The following SIPA1L1 variants were observed in gnomAD, a reference collection of about 807,000 sequenced individuals.
The protein encoded by SIPA1L1 is signal induced proliferation associated 1 like 1.
In SIPA1L1, 26 loss-of-function variants were observed where a neutral mutation model predicts 162.7. That is an observed-to-expected ratio of 0.16 (90% CI 0.12 to 0.22). The LOEUF (loss-of-function observed/expected upper bound fraction) is 0.22, where lower values mean the gene tolerates loss of function less well. SIPA1L1 is among the 10% of genes least tolerant of loss of function. The probability of loss-of-function intolerance (pLI) is 1.00; values close to 1 mark genes in which losing one functional copy is unlikely to be tolerated. For synonymous variants in SIPA1L1, 829 were observed against 837.4 expected (o/e 0.99, Z 0.17); for missense variants, 1,874 against 2,241.0 (o/e 0.84, Z 3.31).
intron 13 of SIPA1L1, among the ~76,000 whole-genome samples, chr14:71,691,480 G>A (rs1270957499): frequency 6.6e-6 from 1 of 152,104 alleles, no homozygotes; most frequent in African/African-American, 2.4e-5. Flanking sequence ...TGTAGTCTCA[G>A]CTACTTGGGA....
chr14:71,692,762 C>T (rs1597022932), intron 13 of SIPA1L1, among the ~76,000 whole-genome samples: 1 of 152,286 alleles, frequency 6.6e-6, no homozygotes, highest in East Asian at 1.9e-4. Flanking sequence ...TTCCTTGGGC[C>T]TCGAAAGTAG....
At chr14:71,613,218 G>T (rs1441773762) in intron 5 of SIPA1L1, among the ~76,000 whole-genome samples, 1 of 152,046 alleles carries the variant, frequency 6.6e-6, no homozygotes, top group East Asian at 1.9e-4. Context: ...ACATAATATT[G>T]TGTGTAATGG....
chr14:71,547,827 A>G (rs12897977), intron 4 of SIPA1L1, among the ~76,000 whole-genome samples: 64,980 of 151,794 alleles, frequency 0.43, 14,468 homozygotes, highest in Admixed American at 0.51. Flanking sequence ...TCTTCACCCA[A>G]ACCAATGTCT....
chr14:71,378,847 T>C (rs1398520072), intron 2 of SIPA1L1, among the ~76,000 whole-genome samples: 2 of 152,230 alleles, frequency 1.3e-5, no homozygotes, highest in East Asian at 3.8e-4. Context: ...TTTATAATTA[T>C]GAAATGTTGC....
chr14:71,538,683 G>A (rs568240261), intron 4 of SIPA1L1, among the ~76,000 whole-genome samples: 26 of 152,214 alleles, frequency 1.7e-4, no homozygotes, highest in South Asian at 8.3e-4. Flanking sequence ...AGACGGCAAA[G>A]TAGTCCCATT....
chr14:71,564,279 A>G (rs1170700092), intron 4 of SIPA1L1, among the ~76,000 whole-genome samples: 1 of 151,448 alleles, frequency 6.6e-6, no homozygotes, highest in East Asian at 1.9e-4. Context: ...ATTTTCTTTT[A>G]TAACTTAAAG....
chr14:71,661,738 A>G (rs1182111098), intron 10 of SIPA1L1, among the ~76,000 whole-genome samples: 1 of 152,204 alleles, frequency 6.6e-6, no homozygotes, highest in Admixed American at 6.5e-5. Context: ...TCACCAACCA[A>G]CTAATTACTC....
intron 4 of SIPA1L1, among the ~76,000 whole-genome samples, chr14:71,554,329 T>C (rs2056152268): frequency 9.8e-6 from 1 of 101,664 alleles, no homozygotes; most frequent in Non-Finnish European, 1.9e-5. Context: ...TGATATTGAA[T>C]TTAAAAGCAG....
intron 5 of SIPA1L1, among the ~76,000 whole-genome samples, chr14:71,612,552 T>C (rs578217880): frequency 1.3e-5 from 2 of 152,334 alleles, no homozygotes; most frequent in South Asian, 4.1e-4. Flanking sequence ...TACATTCAGT[T>C]CAGATTATGC....
chr14:71,711,562 A>G (rs1005349748), intron 17 of SIPA1L1, among the ~76,000 whole-genome samples: 6 of 152,248 alleles, frequency 3.9e-5, no homozygotes, highest in Non-Finnish European at 7.3e-5. Context: ...AGTTGGTTAT[A>G]GAGATCTTGT....
intron 10 of SIPA1L1, among the ~76,000 whole-genome samples, chr14:71,662,585 C>T (rs138186807): frequency 0.011 from 1,743 of 152,262 alleles, 17 homozygotes; most frequent in Non-Finnish European, 0.017. Flanking sequence ...ATTCTAGAGC[C>T]CAGTCTCTTA....
At chr14:71,595,900 A>G (rs917372933) in intron 5 of SIPA1L1, among the ~76,000 whole-genome samples, 25 of 152,176 alleles carry the variant, frequency 1.6e-4, no homozygotes, top group African/African-American at 5.8e-4. Context: ...TTCTTTATGT[A>G]ACTTCAGGGC....
At chr14:71,632,437 A>G (rs534040395) in intron 7 of SIPA1L1, among the ~76,000 whole-genome samples, 1 of 152,364 alleles carries the variant, frequency 6.6e-6, no homozygotes, top group African/African-American at 2.4e-5. Context: ...CCAACTGCAC[A>G]GTACAAAAAG....
At chr14:71,356,795 A>G (rs2037314975) in intron 2 of SIPA1L1, among the ~76,000 whole-genome samples, 1 of 151,678 alleles carries the variant, frequency 6.6e-6, no homozygotes, top group South Asian at 2.1e-4. Flanking sequence ...TTAAAATTCT[A>G]TTTAAGCTAG....
intron 2 of SIPA1L1, among the ~76,000 whole-genome samples, chr14:71,487,579 G>A (rs1384436023): frequency 1.3e-5 from 2 of 152,136 alleles, no homozygotes; most frequent in African/African-American, 4.8e-5. Flanking sequence ...TGTAATGAAT[G>A]AGTGTGCATG....
intron 2 of SIPA1L1, among the ~76,000 whole-genome samples, chr14:71,496,073 A>C (rs200109283): frequency 2.3e-4 from 8 of 34,846 alleles, no homozygotes; most frequent in East Asian, 3.9e-3. Context: ...AAAAAAAAAG[A>C]AAAAAAAAAA....
At chr14:71,727,436 CTT>C (rs75777361) in intron 19 of SIPA1L1, among the ~76,000 whole-genome samples, 108 of 142,596 alleles carry the variant, frequency 7.6e-4, no homozygotes, top group Middle Eastern at 3.7e-3. Context: ...CTCAGGAAGC[CTT>C]TTTTTTTTTT....
At chr14:71,323,253 G>T (rs1055933011) in intron 2 of SIPA1L1, among the ~76,000 whole-genome samples, 1 of 152,158 alleles carries the variant, frequency 6.6e-6, no homozygotes, top group Non-Finnish European at 1.5e-5. Context: ...GGGGATCTTG[G>T]TTGAGTTGTG....
At chr14:71,646,842 A>G (rs561231737) in intron 7 of SIPA1L1, among the ~76,000 whole-genome samples, 1 of 152,172 alleles carries the variant, frequency 6.6e-6, no homozygotes, top group East Asian at 1.9e-4. Context: ...TCATTACCTT[A>G]AAGTATTGTA....
Sources: allele counts gnomAD v4.1 joint callset (sites outside exome capture counted in the v4.1 genomes callset), GRCh38; gene constraint gnomAD v4.1.1; transcripts MANE v1.5; gene names NCBI Gene and HGNC (gene_info 2026-07-23, HGNC 2026-07-21).